The following SYNDIG1 variants were observed in gnomAD, a reference collection of about 807,000 sequenced individuals.
The protein encoded by SYNDIG1 is synapse differentiation-inducing gene protein 1.
In SYNDIG1, 9 loss-of-function variants were observed where a neutral mutation model predicts 19.4. The observed-to-expected ratio is 0.46, with a 90% CI of 0.28 to 0.81. The LOEUF is 0.81. SYNDIG1 is among the 30% of genes least tolerant of loss of function. The pLI is 0.12. For missense variants in SYNDIG1, 311 were observed against 343.3 expected (o/e 0.91, Z 0.74); for synonymous variants, 141 against 145.9 (o/e 0.97, Z 0.24).
intron 3 of SYNDIG1, among the ~76,000 whole-genome samples, chr20:24,626,937 G>A (rs1330546256): frequency 8.5e-5 from 13 of 152,288 alleles, no homozygotes; most frequent in Non-Finnish European, 1.3e-4. Flanking sequence ...CCAGTCAGGC[G>A]TGGCGGCGCG....
intron 1 of SYNDIG1, among the ~76,000 whole-genome samples, chr20:24,501,376 G>A (rs2056450770): frequency 6.6e-6 from 1 of 152,194 alleles, no homozygotes; most frequent in African/African-American, 2.4e-5. Context: ...CGTGTGAGGT[G>A]CTCTGAGCAG....
intron 3 of SYNDIG1, among the ~76,000 whole-genome samples, chr20:24,659,898 G>T (rs2059567254): frequency 6.6e-6 from 1 of 152,112 alleles, no homozygotes; most frequent in African/African-American, 2.4e-5. Flanking sequence ...TTTAATTATT[G>T]ATAGAATTCA....
chr20:24,513,965 A>T (rs961541379), intron 1 of SYNDIG1, among the ~76,000 whole-genome samples: 1 of 152,230 alleles, frequency 6.6e-6, no homozygotes, highest in African/African-American at 2.4e-5. Context: ...GTGGGGGCCA[A>T]TATTCAACAT....
intron 1 of SYNDIG1, among the ~76,000 whole-genome samples, chr20:24,487,603 G>A (rs1173722353): frequency 6.6e-6 from 1 of 152,212 alleles, no homozygotes; most frequent in Non-Finnish European, 1.5e-5. Context: ...ACATGGAAAT[G>A]CACCCCCACG....
intron 3 of SYNDIG1, among the ~76,000 whole-genome samples, chr20:24,642,578 C>G (rs2059388870): frequency 6.6e-6 from 1 of 152,184 alleles, no homozygotes; most frequent in Non-Finnish European, 1.5e-5. Flanking sequence ...TTATTTATGT[C>G]AGTATGGACC....
At chr20:24,475,652 G>A (rs1301047084) in intron 1 of SYNDIG1, among the ~76,000 whole-genome samples, 1 of 152,180 alleles carries the variant, frequency 6.6e-6, no homozygotes, top group South Asian at 2.1e-4. Flanking sequence ...GATCTCCCAT[G>A]GAAACCCTGT....
chr20:24,624,772 G>A (rs2059096181), intron 3 of SYNDIG1, among the ~76,000 whole-genome samples: 1 of 152,104 alleles, frequency 6.6e-6, no homozygotes, highest in African/African-American at 2.4e-5. Flanking sequence ...ACGTGAAGCA[G>A]TCACAATATA....
chr20:24,560,108 A>G (rs1443596002), intron 2 of SYNDIG1, among the ~76,000 whole-genome samples: 13 of 105,832 alleles, frequency 1.2e-4, no homozygotes, highest in Admixed American at 1.5e-4. Context: ...TCACTCTGTC[A>G]CCCAGGCTGG....
chr20:24,584,295 G>A (rs2147027812), intron 2 of SYNDIG1, among the ~76,000 whole-genome samples: 1 of 152,366 alleles, frequency 6.6e-6, no homozygotes, highest in East Asian at 1.9e-4. Flanking sequence ...TTAAAAGAGA[G>A]ATTCAGGGGA....
intron 3 of SYNDIG1, among the ~76,000 whole-genome samples, chr20:24,660,924 A>G (rs974135448): frequency 5.3e-5 from 8 of 152,174 alleles, no homozygotes; most frequent in African/African-American, 1.9e-4. Context: ...TGCCTTTCAG[A>G]GTCTCCAGGT....
At chr20:24,591,495 G>C (rs2058511719) in intron 3 of SYNDIG1, among the ~76,000 whole-genome samples, 1 of 151,902 alleles carries the variant, frequency 6.6e-6, no homozygotes, top group Admixed American at 6.6e-5. Flanking sequence ...GTGAGAAATG[G>C]GATGCTATTT....
intron 3 of SYNDIG1, among the ~76,000 whole-genome samples, chr20:24,633,067 G>A (rs1291657768): frequency 6.6e-6 from 1 of 150,662 alleles, no homozygotes; most frequent in Non-Finnish European, 1.5e-5. Flanking sequence ...CTCCTCCCCC[G>A]AGGAAAATCA....
chr20:24,486,075 C>G (rs1256929779), intron 1 of SYNDIG1, among the ~76,000 whole-genome samples: 2 of 152,202 alleles, frequency 1.3e-5, no homozygotes. Flanking sequence ...AGCAGTGGGT[C>G]CCCTATTCAG....
chr20:24,508,784 C>T (rs1433500116), intron 1 of SYNDIG1, among the ~76,000 whole-genome samples: 1 of 152,078 alleles, frequency 6.6e-6, no homozygotes, highest in African/African-American at 2.4e-5. Context: ...GAGTGTGCAC[C>T]AGCTCCCACT....
chr20:24,590,499 C>T (rs2058492267), intron 3 of SYNDIG1, among the ~76,000 whole-genome samples: 1 of 152,106 alleles, frequency 6.6e-6, no homozygotes, highest in African/African-American at 2.4e-5. Context: ...AGGCGCAGGG[C>T]GACGACGGCA....
At chr20:24,644,516 T>C (rs1568712635) in intron 3 of SYNDIG1, among the ~76,000 whole-genome samples, 1 of 152,212 alleles carries the variant, frequency 6.6e-6, no homozygotes, top group East Asian at 1.9e-4. Context: ...CCAGGAATCA[T>C]TGAGGCCTTG....
chr20:24,565,038 G>A (rs2058018871), intron 2 of SYNDIG1, among the ~76,000 whole-genome samples: 1 of 152,120 alleles, frequency 6.6e-6, no homozygotes, highest in Non-Finnish European at 1.5e-5. Context: ...TTGTTCACTG[G>A]TGTTCATTAA....
rs528677196 is a variant in SYNDIG1, at chr20:24,535,428, G to A, written c.-78-7592G>A. ...TTACAAATCAAGAAAAGCTACTAGC[G>A]TTCAATAACTTAATCCAAGATAGAC... On this transcript the variant is annotated intron_variant, in intron 1 of 3. Coordinates refer to ENST00000376862, the MANE Select transcript of SYNDIG1 (RefSeq NM_024893.3). Among the ~76,000 whole-genome samples the A allele has an allele frequency of 8.1e-4, 124 of 152,260 alleles. 1 individual carries two copies. Among genetic ancestry groups the A allele is most frequent in the African/African-American group, 2.8e-3 (118 of 41,548 alleles).
intron 3 of SYNDIG1, among the ~76,000 whole-genome samples, chr20:24,644,653 G>GTTCT (rs904862368): frequency 2.0e-4 from 30 of 152,350 alleles, no homozygotes; most frequent in African/African-American, 5.3e-4. Flanking sequence ...ACTTGTAGGT[G>GTTCT]TTCTGGTCAA....
Sources: allele counts gnomAD v4.1 joint callset (sites outside exome capture counted in the v4.1 genomes callset), GRCh38; gene constraint gnomAD v4.1.1; transcripts MANE v1.5; gene names NCBI Gene and HGNC (gene_info 2026-07-23, HGNC 2026-07-21).